Variants in RAB33B observed in about 807,000 individuals in gnomAD.
The protein encoded by RAB33B is RAB33B, member RAS oncogene family.
A neutral mutation model predicts 15.0 loss-of-function variants in RAB33B; 6 were observed. That is an observed-to-expected ratio of 0.40 (90% confidence interval 0.22 to 0.79). The LOEUF is 0.79. RAB33B is among the 30% of genes least tolerant of loss of function. The pLI is 0.37. For synonymous variants in RAB33B, 117 were observed against 108.3 expected, an observed-to-expected ratio of 1.08 and a Z score of -0.50; for missense variants, 257 against 296.4, an observed-to-expected ratio of 0.87 and a Z score of 0.98.
intron 1 of RAB33B, among the ~76,000 whole-genome samples, chr4:139,459,130 C>CAAA (rs70943419): frequency 2.5e-5 from 3 of 120,222 alleles, no homozygotes; most frequent in Admixed American, 8.0e-5. Context: ...AATCCCATCT[C>CAAA]AAAAAAAAAA....
At chr4:139,445,961 C>G in the RAB33B span, among the ~76,000 whole-genome samples, 1 of 152,168 alleles carries the variant, frequency 6.6e-6, no homozygotes, top group East Asian at 1.9e-4. Context: ...TTGGCGGAAA[C>G]GGAACGTTTG....
At chr4:139,439,044 G>A in the RAB33B span, among the ~76,000 whole-genome samples, 4 of 151,866 alleles carry the variant, frequency 2.6e-5, no homozygotes, top group Admixed American at 6.6e-5. Context: ...ACAGAGTTTC[G>A]TACTGTTGCC....
rs1044885200 is a variant in RAB33B, at chr4:139,474,368, A to G, written c.*1242A>G. The G allele has an allele frequency of 7.2e-5, 11 of 152,378 alleles. No homozygotes were observed. Among genetic ancestry groups the G allele is most frequent in the African/African-American group, 2.4e-4 (10 of 41,584 alleles). The allele number at this position is 152,378 out of a possible 1,614,324, so 9.4% of individuals were successfully genotyped here. On this transcript the variant is annotated 3_prime_UTR_variant, in exon 2 of 2. Transcript: ENST00000305626. ...GTAACTTGGGGGAAAATAGGTAAAC[A>G]TAGCTTCTAGCTAACACAGGAGACC...
chr4:139,457,702 G>T (rs1750093469), intron 1 of RAB33B, among the ~76,000 whole-genome samples: 1 of 152,068 alleles, frequency 6.6e-6, no homozygotes, highest in Admixed American at 6.5e-5. Flanking sequence ...TATGCTTGAG[G>T]GCCAAAAATG....
chr4:139,443,111 G>C, the RAB33B span, among the ~76,000 whole-genome samples: 1 of 151,808 alleles, frequency 6.6e-6, no homozygotes, highest in Non-Finnish European at 1.5e-5. Flanking sequence ...TCCTGCCTCA[G>C]CCTCCCGAGT....
rs565382679 is a variant in RAB33B, at chr4:139,472,666, C to T, written c.250-20C>T. On this transcript the variant is annotated intron_variant, in intron 1 of 1. Coordinates refer to ENST00000305626, the MANE Select transcript of RAB33B (RefSeq NM_031296.3). ...TTGGAATGGGATTTTCAGTTTTCCTCTTTTTCTTCCCATTTTTAGATCCAG... is the reference window on the plus strand; with the variant it reads ...TTGGAATGGGATTTTCAGTTTTCCTTTTTTTCTTCCCATTTTTAGATCCAG... The T allele has an allele frequency of 4.9e-5, 76 of 1,554,804 alleles. 1 individual carries two copies. In the South Asian group the frequency reaches 8.3e-4, roughly 17 times the overall value.
the RAB33B span, among the ~76,000 whole-genome samples, chr4:139,445,363 C>T: frequency 6.6e-6 from 1 of 152,148 alleles, no homozygotes; most frequent in African/African-American, 2.4e-5. Context: ...CACACTGGTC[C>T]ATTACATTGA....
At position 139,473,196 on chromosome 4, in the gene RAB33B, A is replaced by G; in HGVS notation, c.*70A>G. 1 of 1,300,196 alleles carries G rather than the reference A, an allele frequency of 7.7e-7. No individual in the cohort carries two copies. 80.5% of individuals were successfully genotyped at this position (1,300,196 alleles called of 1,614,324 possible). A position where few individuals can be genotyped will look rare whatever the true frequency, so the allele number is the denominator to read the frequency against. On this transcript the variant is annotated 3_prime_UTR_variant, in exon 2 of 2. Coordinates refer to ENST00000305626, the MANE Select transcript of RAB33B (RefSeq NM_031296.3). ...TTTTGAAGTATGACAGTATTAAGTC[A>G]TAAGATTTAATCTCAACTATAATGG...
the RAB33B span, among the ~76,000 whole-genome samples, chr4:139,442,660 C>T: frequency 1.3e-5 from 2 of 152,194 alleles, no homozygotes; most frequent in African/African-American, 4.8e-5. Context: ...TTCCTGTCCT[C>T]AAACATCAGA....
At position 139,473,017 on chromosome 4, in the gene RAB33B, C is replaced by A; in HGVS notation, c.581C>A (p.Thr194Asn). Residue 194 changes from threonine (T) to asparagine (N), a missense_variant, in exon 2 of 2, where the codon ACC (threonine) becomes AAC (asparagine). By Grantham distance (65) the Thr-to-Asn change is moderately conservative. Transcript: ENST00000305626. ...DNDHVEAIFM[T>N]LAHKLKSHKP... ...GACCATGTGGAAGCTATATTTATGA[C>A]CTTGGCTCATAAGCTTAAGAGCCAC... is the stretch of plus-strand genomic sequence containing the variant. 1 of 1,614,076 alleles carries A rather than the reference C, an allele frequency of 6.2e-7. No individual in the cohort carries two copies. The highest frequency in any genetic ancestry group is 8.5e-7 in the Non-Finnish European group (1 of 1,179,944).
intron 1 of RAB33B, among the ~76,000 whole-genome samples, chr4:139,455,809 A>T (rs937292293): frequency 6.6e-6 from 1 of 152,244 alleles, no homozygotes; most frequent in African/African-American, 2.4e-5. Context: ...TGGGAGAAGC[A>T]GGAATCTGGG....
upstream of RAB33B, chr4:139,453,137 G>A (rs984363881): frequency 6.6e-6 from 1 of 152,128 alleles, no homozygotes; most frequent in Non-Finnish European, 1.5e-5. Context: ...CGTCACCCAG[G>A]CACTAAGACA....
chr4:139,464,331 T>G (rs1173934937), intron 1 of RAB33B, among the ~76,000 whole-genome samples: 2 of 151,338 alleles, frequency 1.3e-5, no homozygotes, highest in Non-Finnish European at 1.5e-5. Context: ...CTGGAAGACT[T>G]GATATGATTA....
At chr4:139,443,316 T>C in the RAB33B span, among the ~76,000 whole-genome samples, 1 of 152,194 alleles carries the variant, frequency 6.6e-6, no homozygotes, top group South Asian at 2.1e-4. Context: ...TAGAGAGTTA[T>C]GAAAAATAAA....
chr4:139,471,333 T>C (rs10014315), intron 1 of RAB33B, among the ~76,000 whole-genome samples: 146,362 of 152,180 alleles, frequency 0.96, 70,643 homozygotes, highest in Middle Eastern at 1. Context: ...TTCATTGCCT[T>C]TCATTTGCTG....
chr4:139,465,897 C>CT (rs374709757), intron 1 of RAB33B, among the ~76,000 whole-genome samples: 2,876 of 143,908 alleles, frequency 0.02, 94 homozygotes, highest in African/African-American at 0.067. Flanking sequence ...TCCCAGCTCA[C>CT]TTTTTTTTTT....
chr4:139,466,492 G>A (rs1331795902), intron 1 of RAB33B, among the ~76,000 whole-genome samples: 1 of 151,970 alleles, frequency 6.6e-6, no homozygotes, highest in African/African-American at 2.4e-5. Context: ...TAGTTCCCTT[G>A]GATAGCTTTT....
chr4:139,446,916 C>T, the RAB33B span, among the ~76,000 whole-genome samples: 8,573 of 152,244 alleles, frequency 0.056, 268 homozygotes, highest in East Asian at 0.1. Context: ...GCCAGCTACC[C>T]GATGGCATGT....
At chr4:139,444,609 G>A in the RAB33B span, among the ~76,000 whole-genome samples, 12 of 152,184 alleles carry the variant, frequency 7.9e-5, 1 homozygote, top group Non-Finnish European at 1.6e-4. Context: ...CTGGCTCTGA[G>A]CTGACGTTGA....
Sources: gnomAD v4.1 joint callset for allele counts (sites outside exome capture counted in the v4.1 genomes callset) on GRCh38, gnomAD v4.1.1 for gene constraint, MANE v1.5 for transcripts, NCBI Gene and HGNC (gene_info 2026-07-23, HGNC 2026-07-21) for gene names.